The following PASK variants were observed in gnomAD, a reference collection of about 807,000 sequenced individuals.
PASK encodes the protein PAS domain-containing serine/threonine-protein kinase.
In PASK, 110 loss-of-function variants were observed where a neutral mutation model predicts 121.0. The observed-to-expected ratio is 0.91, with a 90% confidence interval of 0.78 to 1.06. PASK has a LOEUF of 1.06. Ranked by LOEUF, PASK falls within the 50% of genes least tolerant of loss-of-function variation. The pLI is 0.00. For synonymous variants in PASK, 686 were observed against 717.8 expected (o/e 0.96, Z 0.71); for missense variants, 1,643 against 1,702.3 (o/e 0.97, Z 0.61).
intron 9 of PASK, among the ~76,000 whole-genome samples, chr2:241,131,931 G>A (rs1021447125): frequency 6.6e-6 from 1 of 151,786 alleles, no homozygotes; most frequent in African/African-American, 2.4e-5. Context: ...GCAGGTGCCT[G>A]TAGTCTCAGC....
At chr2:241,117,081 G>A (rs866412977) in intron 12 of PASK, among the ~76,000 whole-genome samples, 13 of 151,912 alleles carry the variant, frequency 8.6e-5, no homozygotes, top group South Asian at 4.2e-4. Flanking sequence ...TGAGGGAGGC[G>A]GGGGGCTGGG....
intron 9 of PASK, among the ~76,000 whole-genome samples, chr2:241,129,147 G>A (rs1345604972): frequency 6.6e-6 from 1 of 152,140 alleles, no homozygotes; most frequent in Non-Finnish European, 1.5e-5. Context: ...TGCAGGATCA[G>A]GTAAGACAGG....
upstream of PASK, chr2:241,150,265 G>T (rs887146116): frequency 7.7e-7 from 1 of 1,291,684 alleles, no homozygotes; most frequent in Non-Finnish European, 9.8e-7. Flanking sequence ...CCAGCTTCTC[G>T]CCTCCAGACT....
chr2:241,124,378 C>A (rs1342090667), intron 10 of PASK, among the ~76,000 whole-genome samples: 1 of 152,182 alleles, frequency 6.6e-6, no homozygotes, highest in Non-Finnish European at 1.5e-5. Context: ...TGCAGGCCTG[C>A]AACAACCACA....
Position 241,126,572 on chromosome 2 carries a change from T to C in PASK, c.2343A>G (p.Val781=). 1.9e-6 allele frequency: 3 copies of C among 1,614,054 alleles called. No homozygotes were observed. The highest frequency in any genetic ancestry group is 2.5e-6 in the Non-Finnish European group (3 of 1,179,864). ...ACGACCCCTGTTCCTGGAGACTGCC[T>C]ACATCTGGATCGGAGCCCACTGCCA... ...SSLAVGSDPD[V]GSLQEQGSCV... is the part of the protein sequence containing the mutation. The change falls in exon 10 of 18, where the codon GTA becomes GTG. Residue 781 remains valine, a synonymous_variant. Coordinates refer to ENST00000234040, the MANE Select transcript of PASK (RefSeq NM_015148.4).
chr2:241,150,081 G>A, upstream of PASK: 1 of 1,273,056 alleles, frequency 7.9e-7, no homozygotes, highest in South Asian at 2.1e-5. Flanking sequence ...CCCGCACCTT[G>A]CAGCCACGGA....
chr2:241,138,084 T>C lies in PASK; in HGVS notation c.745A>G (p.Thr249Ala). The change falls in exon 6 of 18, where the codon ACC becomes GCC. Residue 249 changes from threonine (T) to alanine (A), a missense_variant. Coordinates refer to ENST00000234040, the MANE Select transcript of PASK (RefSeq NM_015148.4). ...AAGAGACTGTCACATGACGTGACGG[T>C]GCCCTGGAGGAAAAGCCCCGTGCTT... Reference protein sequence around the residue: ...STWVAFQSDGTVTSCDSLFAH... With the variant: ...STWVAFQSDGAVTSCDSLFAH... The C allele has an allele frequency of 6.2e-7, 1 of 1,614,136 alleles. No individual in the cohort carries two copies. The highest frequency in any genetic ancestry group is 8.5e-7 in the Non-Finnish European group (1 of 1,179,970).
At chr2:241,139,290 C>T (rs554563356) in intron 4 of PASK, among the ~76,000 whole-genome samples, 1 of 152,320 alleles carries the variant, frequency 6.6e-6, no homozygotes, top group East Asian at 1.9e-4. Context: ...CCAACCTCCA[C>T]TGCCCTCCAA....
intron 8 of PASK, 64 bp from the exon 9 acceptor site, chr2:241,133,094 A>T: frequency 6.7e-7 from 1 of 1,502,098 alleles, no homozygotes; most frequent in Non-Finnish European, 9.3e-7. Context: ...GAATCTGCTC[A>T]TTCGCCTGGA....
intron 12 of PASK, chr2:241,118,846 CG>C: frequency 1.3e-6 from 1 of 785,334 alleles, no homozygotes; most frequent in East Asian, 7.5e-5. Context: ...ACCCCGCACC[CG>C]GTGGAGGCCA....
Position 241,137,006 on chromosome 2 carries a change from T to C in PASK, c.1135A>G (p.Lys379Glu), listed in dbSNP as rs1174788085. ...CCAGGCGCCCAGGGCAGCCCCACCT[T>C]GCCCAGGAGCTCCGTCTTTCCGTAA... The part of the protein sequence containing the change: ...FGYGKTELLG[K>E]NITFLIPGFY... Residue 379 changes from lysine to glutamate, a missense_variant and splice_region_variant, in exon 7 of 18, where the codon AAG (lysine) becomes GAG (glutamate). Lys to Glu is a moderately conservative substitution (Grantham distance 56). This residue lies in a region of PASK where 1,176 missense variants were observed against 1,162.2 expected (regional missense o/e 1.01). Transcript: ENST00000234040. The C allele has an allele frequency of 1.5e-5, 24 of 1,612,688 alleles. No individual in the cohort carries two copies. The highest frequency in any genetic ancestry group is 1.9e-5 in the Non-Finnish European group (23 of 1,179,948).
At chr2:241,148,911 A>G (rs1373793282) in intron 1 of PASK, among the ~76,000 whole-genome samples, 2 of 152,030 alleles carry the variant, frequency 1.3e-5, no homozygotes, top group Admixed American at 1.3e-4. Context: ...AAGAAAAATT[A>G]GTGAAAAAAT....
intron 12 of PASK, among the ~76,000 whole-genome samples, chr2:241,119,552 C>A (rs2065517517): frequency 2.0e-5 from 3 of 151,138 alleles, no homozygotes; most frequent in Non-Finnish European, 4.4e-5. Flanking sequence ...TCACTGCAAG[C>A]TCCGCCTCCC....
chr2:241,110,914 G>T (rs543000783), intron 15 of PASK, among the ~76,000 whole-genome samples: 1 of 152,318 alleles, frequency 6.6e-6, no homozygotes, highest in Admixed American at 6.5e-5. Context: ...ATGCATGGAG[G>T]TTCTAGCGGG....
Position 241,142,871 on chromosome 2 carries a change from A to G in PASK, c.162T>C (p.Leu54=). Residue 54 remains leucine, a synonymous_variant, in exon 2 of 18, where the codon CTT becomes CTC. Transcript: ENST00000234040. Reference sequence around the variant, plus strand: ...CTGTCCTGCTCTGGCAGAGTCTGGAAAGCCCATTCCTTCTGCTCAGGTGTC... The same window carrying G: ...CTGTCCTGCTCTGGCAGAGTCTGGAGAGCCCATTCCTTCTGCTCAGGTGTC... ...AHRHLSRRNG[L]SRLCQSRTAL... is the part of the protein sequence containing the mutation. 1 of 1,613,930 alleles carries G rather than the reference A, an allele frequency of 6.2e-7. No homozygotes were observed. The highest frequency in any genetic ancestry group is 8.5e-7 in the Non-Finnish European group (1 of 1,179,924).
At position 241,120,679 on chromosome 2, in the gene PASK, G is replaced by A. The variant is rs187192946; in HGVS notation, c.3072+2053C>T. Among the ~76,000 whole-genome samples the A allele has an allele frequency of 7.2e-5, 11 of 152,248 alleles. No individual in the cohort carries two copies. In the East Asian group the frequency reaches 2.1e-3, roughly 29 times the overall value. ...TAGAAATGAAAAGACAATAATAAGT[G>A]TTGACAAGGATATGTAGACCAGGAA... is the stretch of plus-strand genomic sequence containing the variant. On this transcript the variant is annotated intron_variant, in intron 12 of 17. Coordinates refer to ENST00000234040, the MANE Select transcript of PASK (RefSeq NM_015148.4).
chr2:241,126,062 C>T, intron 10 of PASK, 134 bp downstream of exon 10: 1 of 826,720 alleles, frequency 1.2e-6, no homozygotes, highest in Non-Finnish European at 2.0e-6. Flanking sequence ...ATGCATTCTC[C>T]TTGAAAACAT....
rs2065890787 is a variant in PASK, at chr2:241,126,865, G to C, written c.2050C>G (p.Pro684Ala). The C allele has an allele frequency of 3.1e-6, 5 of 1,612,960 alleles. No homozygotes were observed. The highest frequency in any genetic ancestry group is 4.2e-6 in the Non-Finnish European group (5 of 1,179,122). The change falls in exon 10 of 18, where the codon CCG becomes GCG. Residue 684 changes from proline to alanine, a missense_variant. This residue lies in a region of PASK where 1,176 missense variants were observed against 1,162.2 expected (regional missense o/e 1.01). Transcript: ENST00000234040. ...GCGGTGACAGCCTGGCACTCTGTCG[G>C]AACGAGTTCGGCGTGGGGGACATCC... ...ALDVPHAELV[P>A]TECQAVTAPV...
chr2:241,139,793 C>G (rs2066616314), intron 4 of PASK, 92 bp downstream of exon 4: 7 of 1,242,182 alleles, frequency 5.6e-6, no homozygotes, highest in Non-Finnish European at 8.2e-6. Flanking sequence ...ACCCAACCCC[C>G]AGCAGAGCTC....
Sources: allele counts gnomAD v4.1 joint callset (sites outside exome capture counted in the v4.1 genomes callset), GRCh38; gene constraint gnomAD v4.1.1; regional missense constraint gnomAD v4.1.1; transcripts MANE v1.5; gene names NCBI Gene and HGNC (gene_info 2026-07-23, HGNC 2026-07-21).